Variants in UBE3D observed in about 807,000 individuals in gnomAD.
The protein encoded by UBE3D is E3 ubiquitin-protein ligase E3D.
UBE3D carries 48 observed loss-of-function variants against 49.6 expected under a neutral mutation model. The observed-to-expected ratio is 0.97, with a 90% CI of 0.77 to 1.23. The LOEUF (loss-of-function observed/expected upper bound fraction) is 1.23, where lower values mean the gene tolerates loss of function less well. Among genes scored for constraint, UBE3D ranks in the 50% most tolerant of loss-of-function variants. UBE3D has a pLI of 0.00. For missense variants in UBE3D, 452 were observed against 468.4 expected (o/e 0.96, Z 0.32); for synonymous variants, 189 against 174.2 (o/e 1.08, Z -0.67).
intron 9 of UBE3D, among the ~76,000 whole-genome samples, chr6:82,951,923 A>T (rs1164526817): frequency 6.6e-6 from 1 of 152,212 alleles, no homozygotes; most frequent in South Asian, 2.1e-4. Flanking sequence ...AAGAATGTAC[A>T]TAAGGGTCTT....
At chr6:82,984,113 C>G (rs192732247) in intron 8 of UBE3D, among the ~76,000 whole-genome samples, 182 of 152,176 alleles carry the variant, frequency 1.2e-3, no homozygotes, top group Non-Finnish European at 1.7e-3. Flanking sequence ...TTATTTAAAT[C>G]TTAGTTTAGC....
At chr6:82,971,445 G>A (rs1344438277) in intron 8 of UBE3D, among the ~76,000 whole-genome samples, 1 of 151,696 alleles carries the variant, frequency 6.6e-6, no homozygotes, top group Non-Finnish European at 1.5e-5. Context: ...GGCATTACTA[G>A]ATTCCCTGTC....
In UBE3D at chr6:82,971,295, G is replaced by A. The variant is rs895689307; in HGVS notation, c.1011-13845C>T. On this transcript the variant is annotated intron_variant, in intron 8 of 9. Transcript: ENST00000369747. ...TCTATTACATTACCAGAGGAAATCA[G>A]TTAAAAACTTAGGAGGCTGAGAAAC... Among the ~76,000 whole-genome samples, 27 of 151,968 alleles carry A rather than the reference G, an allele frequency of 1.8e-4. 1 individual carries two copies. The highest frequency in any genetic ancestry group is 6.5e-4 in the African/African-American group (27 of 41,346).
At chr6:83,008,661 A>G (rs572451143) in intron 8 of UBE3D, among the ~76,000 whole-genome samples, 5 of 152,322 alleles carry the variant, frequency 3.3e-5, no homozygotes, top group African/African-American at 1.2e-4. Context: ...TTAGACTACC[A>G]TCTGGCAATC....
At chr6:82,914,809 T>C (rs561122062) in intron 9 of UBE3D, among the ~76,000 whole-genome samples, 2 of 152,316 alleles carry the variant, frequency 1.3e-5, no homozygotes, top group South Asian at 4.1e-4. Flanking sequence ...CCCAACATCT[T>C]TGTGAATGCC....
At chr6:82,936,080 T>TAA (rs146728845) in intron 9 of UBE3D, among the ~76,000 whole-genome samples, 3 of 147,744 alleles carry the variant, frequency 2.0e-5, no homozygotes, top group African/African-American at 7.4e-5. Context: ...CTAGAGGTGG[T>TAA]AAAAAAAAAA....
chr6:83,017,382 T>C (rs914037741), intron 8 of UBE3D: 8 of 152,098 alleles, frequency 5.3e-5, no homozygotes, highest in Non-Finnish European at 7.4e-5. Context: ...AACCTAAATA[T>C]ATAAAGATAC....
intron 8 of UBE3D, among the ~76,000 whole-genome samples, chr6:82,995,404 CA>C (rs1779168625): frequency 6.6e-6 from 1 of 150,380 alleles, no homozygotes; most frequent in South Asian, 2.1e-4. Context: ...ACTTGTTTGT[CA>C]AAAGAAATTA....
At chr6:83,045,175 C>T (rs551190557) in intron 3 of UBE3D, among the ~76,000 whole-genome samples, 2 of 152,224 alleles carry the variant, frequency 1.3e-5, no homozygotes, top group African/African-American at 2.4e-5. Flanking sequence ...GGAAAGAATC[C>T]TATATAAGTG....
intron 8 of UBE3D, among the ~76,000 whole-genome samples, chr6:83,006,945 T>C (rs1479687638): frequency 1.3e-5 from 2 of 152,038 alleles, no homozygotes; most frequent in Non-Finnish European, 2.9e-5. Flanking sequence ...TTAAGTAGAG[T>C]TTCAATTTTC....
chr6:83,046,003 A>G (rs1160205165), intron 3 of UBE3D, among the ~76,000 whole-genome samples: 1 of 152,136 alleles, frequency 6.6e-6, no homozygotes, highest in African/African-American at 2.4e-5. Context: ...TTGTCTCAAG[A>G]TTAGGCTGGT....
intron 8 of UBE3D, among the ~76,000 whole-genome samples, chr6:83,009,512 C>G (rs906513619): frequency 6.7e-6 from 1 of 150,368 alleles, no homozygotes; most frequent in African/African-American, 2.4e-5. Flanking sequence ...AAGAGAGGTA[C>G]CAAACTTAAC....
intron 8 of UBE3D, among the ~76,000 whole-genome samples, chr6:82,962,151 A>T (rs1776605401): frequency 6.6e-6 from 1 of 152,156 alleles, no homozygotes; most frequent in Admixed American, 6.5e-5. Flanking sequence ...CCACTACAGG[A>T]AAATAATAAT....
chr6:83,052,490 T>TCTGAAGTTC (rs1177476732), intron 3 of UBE3D, among the ~76,000 whole-genome samples: 11 of 152,036 alleles, frequency 7.2e-5, no homozygotes, highest in African/African-American at 2.7e-4. Flanking sequence ...GAAGTTCAGG[T>TCTGAAGTTC]AGGAGCCAAC....
intron 8 of UBE3D, among the ~76,000 whole-genome samples, chr6:82,973,921 T>C (rs949124108): frequency 3.3e-5 from 5 of 152,160 alleles, no homozygotes; most frequent in Non-Finnish European, 7.3e-5. Context: ...GGGATCTAGG[T>C]TGCGCACTCC....
chr6:82,883,044 G>C, the UBE3D span, among the ~76,000 whole-genome samples: 1 of 152,126 alleles, frequency 6.6e-6, no homozygotes, highest in Admixed American at 6.6e-5. Flanking sequence ...ACATAGAGTG[G>C]ACTTGTAAAC....
At chr6:82,964,619 G>A (rs976407488) in intron 8 of UBE3D, among the ~76,000 whole-genome samples, 3 of 152,052 alleles carry the variant, frequency 2.0e-5, no homozygotes, top group African/African-American at 7.2e-5. Flanking sequence ...TCAAAGCTAC[G>A]CCAATGATAT....
intron 9 of UBE3D, among the ~76,000 whole-genome samples, chr6:82,924,382 G>T (rs1773591783): frequency 6.6e-6 from 1 of 152,084 alleles, no homozygotes; most frequent in African/African-American, 2.4e-5. Flanking sequence ...GAAATGATCA[G>T]ATATTTAGCC....
intron 9 of UBE3D, among the ~76,000 whole-genome samples, chr6:82,894,246 C>T (rs952073776): frequency 3.9e-5 from 6 of 152,006 alleles, no homozygotes; most frequent in Admixed American, 2.0e-4. Flanking sequence ...CATGGGGGTT[C>T]GGACCATGAG....
Sources: gnomAD v4.1 joint callset for allele counts (sites outside exome capture counted in the v4.1 genomes callset) on GRCh38, gnomAD v4.1.1 for gene constraint, MANE v1.5 for transcripts, NCBI Gene and HGNC (gene_info 2026-07-23, HGNC 2026-07-21) for gene names.